GLG1: variants seen among roughly 807,000 people sequenced by gnomAD.
The protein encoded by GLG1 is Golgi apparatus protein 1.
GLG1 carries 38 observed loss-of-function variants against 160.5 expected under a neutral mutation model. The ratio of observed to expected loss-of-function variants is 0.24; its 90% CI spans 0.18 to 0.31. GLG1 has a LOEUF of 0.31. Ranked by LOEUF, GLG1 falls within the 10% of genes least tolerant of loss-of-function variation. The pLI, the probability that GLG1 is intolerant of heterozygous loss-of-function variation, is 1.00. For synonymous variants in GLG1, 644 were observed against 543.4 expected (o/e 1.19, Z -2.57); for missense variants, 1,373 against 1,505.2 (o/e 0.91, Z 1.45).
At chr16:74,558,399 T>C (rs2018410445) in intron 1 of GLG1, among the ~76,000 whole-genome samples, 1 of 152,230 alleles carries the variant, frequency 6.6e-6, no homozygotes, top group Non-Finnish European at 1.5e-5. Context: ...TTATGAATAA[T>C]GGATAATAAA....
intron 2 of GLG1, among the ~76,000 whole-genome samples, chr16:74,519,277 T>C (rs776572578): frequency 2.3e-4 from 35 of 151,376 alleles, no homozygotes; most frequent in Non-Finnish European, 3.4e-4. Context: ...TACGTGGTAG[T>C]TGAACAATGA....
At chr16:74,542,739 A>AGGG (rs1567513936) in intron 1 of GLG1, among the ~76,000 whole-genome samples, 2 of 10,210 alleles carry the variant, frequency 2.0e-4, no homozygotes, top group African/African-American at 5.7e-4. Context: ...GGAAGGGAGG[A>AGGG]AGGAAGGAAG....
intron 1 of GLG1, among the ~76,000 whole-genome samples, chr16:74,536,060 A>G (rs1567509518): frequency 6.6e-6 from 1 of 152,186 alleles, no homozygotes; most frequent in South Asian, 2.1e-4. Flanking sequence ...AAATAAATAA[A>G]AAGAAAACAC....
At chr16:74,544,929 T>A (rs2018004359) in intron 1 of GLG1, among the ~76,000 whole-genome samples, 1 of 151,700 alleles carries the variant, frequency 6.6e-6, no homozygotes, top group Non-Finnish European at 1.5e-5. Flanking sequence ...AGAAGAGTGT[T>A]AATTCTGCAT....
chr16:74,482,326 C>A (rs2015630552), intron 10 of GLG1, among the ~76,000 whole-genome samples: 1 of 152,090 alleles, frequency 6.6e-6, no homozygotes, highest in Non-Finnish European at 1.5e-5. Context: ...AAATTAACTA[C>A]CACACCATGG....
intron 1 of GLG1, chr16:74,552,418 A>G: frequency 1.8e-6 from 1 of 563,166 alleles, no homozygotes; most frequent in African/African-American, 1.9e-5. Context: ...TCAAGTCTTA[A>G]GGCTACATGA....
At chr16:74,532,585 G>A (rs539910154) in intron 1 of GLG1, among the ~76,000 whole-genome samples, 13 of 152,096 alleles carry the variant, frequency 8.5e-5, no homozygotes, top group South Asian at 8.3e-4. Flanking sequence ...ATGCAGTGGC[G>A]CAATCATGGC....
rs1233765219 is a variant in GLG1 at position 74,542,692 on chromosome 16, A to G, written c.439-10539T>C. ...TGTCAAAAAAAAAAAAGGGAAGGGA[A>G]GGAGGGAGGGAGGAAGGGAAGAAGG... On this transcript the variant is annotated intron_variant, in intron 1 of 25. Transcript: ENST00000422840. Among the ~76,000 whole-genome samples the G allele has an allele frequency of 1.2e-4, 8 of 67,260 alleles. No individual in the cohort carries two copies. The East Asian group carries it at 5.5e-3, about 46-fold the overall frequency. The allele number at this position is 67,260 out of a possible 152,430, so 44.1% of individuals were successfully genotyped here. A position where few individuals can be genotyped will look rare whatever the true frequency, so the allele number is the denominator to read the frequency against.
intron 1 of GLG1, among the ~76,000 whole-genome samples, chr16:74,579,649 G>C (rs547146779): frequency 6.6e-6 from 1 of 151,900 alleles, no homozygotes. Context: ...TTGAACCAGG[G>C]AGGCGGAGGT....
intron 12 of GLG1, 64 bp from the exon 13 acceptor site, chr16:74,474,696 A>T (rs2015334932): frequency 2.5e-6 from 2 of 812,648 alleles, no homozygotes; most frequent in Admixed American, 3.4e-5. Flanking sequence ...GCAAGGGGAG[A>T]TATCAGCGTC....
At chr16:74,481,766 A>G (rs1425339300) in intron 10 of GLG1, among the ~76,000 whole-genome samples, 1 of 152,120 alleles carries the variant, frequency 6.6e-6, no homozygotes, top group Non-Finnish European at 1.5e-5. Context: ...ACTGTAACCT[A>G]CAGCTCCTGG....
At chr16:74,460,000 C>T (rs890973736) in intron 22 of GLG1, among the ~76,000 whole-genome samples, 4 of 149,424 alleles carry the variant, frequency 2.7e-5, no homozygotes, top group South Asian at 2.1e-4. Flanking sequence ...GGACTACAGG[C>T]GCGTGCTACC....
At chr16:74,498,448 G>GAATATATATATATATATATATATATA (rs2016280790) in intron 4 of GLG1, among the ~76,000 whole-genome samples, 1 of 24,038 alleles carries the variant, frequency 4.2e-5, no homozygotes, top group African/African-American at 1.4e-4. Flanking sequence ...AAAAAAAAAA[G>GAATATATATATATATATATATATATA]TATATATATA....
chr16:74,500,113 G>A (rs564250435), intron 4 of GLG1, among the ~76,000 whole-genome samples: 3 of 152,114 alleles, frequency 2.0e-5, no homozygotes, highest in Admixed American at 2.0e-4. Context: ...GGAGTTCCTC[G>A]GAGTCTCTGA....
chr16:74,545,098 A>C (rs2018010736), intron 1 of GLG1, among the ~76,000 whole-genome samples: 1 of 152,240 alleles, frequency 6.6e-6, no homozygotes, highest in Admixed American at 6.5e-5. Flanking sequence ...ATTAGGATAA[A>C]CTAGAAAAAA....
chr16:74,507,231 C>A (rs936368431), intron 3 of GLG1, among the ~76,000 whole-genome samples: 2 of 152,062 alleles, frequency 1.3e-5, no homozygotes, highest in African/African-American at 4.8e-5. Flanking sequence ...AACTAGAACA[C>A]CCCAAAAGGT....
intron 18 of GLG1, among the ~76,000 whole-genome samples, chr16:74,466,473 G>C (rs1313770557): frequency 6.6e-6 from 1 of 152,188 alleles, no homozygotes; most frequent in East Asian, 1.9e-4. Context: ...AGCAGCTGGG[G>C]CTATCGCAGG....
At chr16:74,463,746 T>TGTC in intron 19 of GLG1, 1 of 427,158 alleles carries the variant, frequency 2.3e-6, no homozygotes, top group Non-Finnish European at 4.3e-6. Flanking sequence ...TTGTTGTTGT[T>TGTC]GTTGTTTTAG....
intron 11 of GLG1, among the ~76,000 whole-genome samples, chr16:74,480,022 AC>A (rs1402235970): frequency 6.6e-6 from 1 of 152,046 alleles, no homozygotes; most frequent in Non-Finnish European, 1.5e-5. Flanking sequence ...ATCTTCCCCC[AC>A]CCACTTTGTT....
Sources: allele counts gnomAD v4.1 joint callset (sites outside exome capture counted in the v4.1 genomes callset), GRCh38; gene constraint gnomAD v4.1.1; transcripts MANE v1.5; gene names NCBI Gene and HGNC (gene_info 2026-07-23, HGNC 2026-07-21).